Variants in KCNH5 observed in about 807,000 individuals in gnomAD.
KCNH5 encodes the protein voltage-gated delayed rectifier potassium channel KCNH5.
A neutral mutation model predicts 96.1 loss-of-function variants in KCNH5; 46 were observed. That is an observed-to-expected ratio of 0.48 (90% CI 0.38 to 0.61). The LOEUF (loss-of-function observed/expected upper bound fraction) is 0.61, where lower values mean the gene tolerates loss of function less well. KCNH5 is among the 20% of genes least tolerant of loss of function. The pLI is 0.00. For synonymous variants in KCNH5, 439 were observed against 449.8 expected (o/e 0.98, Z 0.30); for missense variants, 907 against 1,225.8 (o/e 0.74, Z 3.88).
intron 7 of KCNH5, among the ~76,000 whole-genome samples, chr14:62,897,027 G>A (rs1042931223): frequency 2.0e-5 from 3 of 152,116 alleles, no homozygotes; most frequent in Admixed American, 6.6e-5. Context: ...ATTCCAAATC[G>A]CTCTTCAGCA....
At chr14:62,776,708 C>G (rs1436135592) in intron 10 of KCNH5, among the ~76,000 whole-genome samples, 1 of 152,134 alleles carries the variant, frequency 6.6e-6, no homozygotes, top group South Asian at 2.1e-4. Flanking sequence ...TTCGTCAATT[C>G]GTAGAATTTG....
chr14:62,714,128 T>TA (rs138913725), intron 10 of KCNH5, among the ~76,000 whole-genome samples: 54,967 of 100,756 alleles, frequency 0.55, 10,609 homozygotes, highest in Non-Finnish European at 0.62. Flanking sequence ...ACAATAAAAT[T>TA]TAAAAAAAAA....
intron 7 of KCNH5, among the ~76,000 whole-genome samples, chr14:62,910,281 A>T (rs1184191420): frequency 1.3e-5 from 2 of 152,194 alleles, no homozygotes; most frequent in Admixed American, 1.3e-4. Context: ...CATGCTTATT[A>T]TGAAATTGGA....
At chr14:62,850,983 C>T (rs917915565) in intron 7 of KCNH5, among the ~76,000 whole-genome samples, 2 of 152,100 alleles carry the variant, frequency 1.3e-5, no homozygotes, top group Admixed American at 6.6e-5. Flanking sequence ...TCAGCCAAAT[C>T]CCATTTGATG....
intron 4 of KCNH5, among the ~76,000 whole-genome samples, chr14:62,992,592 T>C (rs940439059): frequency 3.3e-5 from 5 of 152,128 alleles, no homozygotes; most frequent in African/African-American, 1.2e-4. Context: ...AAGTATTTTT[T>C]CATATACTGT....
chr14:62,860,493 T>A (rs1159455300), intron 7 of KCNH5, among the ~76,000 whole-genome samples: 2 of 152,168 alleles, frequency 1.3e-5, no homozygotes, highest in African/African-American at 4.8e-5. Flanking sequence ...CCCTCTGAAA[T>A]AGGAATAATA....
At chr14:63,044,754 G>C (rs1471894413) in intron 1 of KCNH5, among the ~76,000 whole-genome samples, 1 of 152,192 alleles carries the variant, frequency 6.6e-6, no homozygotes, top group Non-Finnish European at 1.5e-5. Flanking sequence ...GTCAGTCCCT[G>C]CTGCTCACTT....
At chr14:62,929,479 A>G in intron 7 of KCNH5, among the ~76,000 whole-genome samples, 1 of 152,068 alleles carries the variant, frequency 6.6e-6, no homozygotes, top group Non-Finnish European at 1.5e-5. Context: ...GTCTCCATCC[A>G]CAGAACAATG....
At chr14:62,976,097 T>TTA (rs1555366372) in intron 6 of KCNH5, among the ~76,000 whole-genome samples, 16 of 139,922 alleles carry the variant, frequency 1.1e-4, no homozygotes, top group Admixed American at 8.6e-4. Context: ...ATAGGAGATT[T>TTA]AAAAAAAAAA....
chr14:63,025,266 A>G (rs1891503465), intron 1 of KCNH5, among the ~76,000 whole-genome samples: 1 of 152,094 alleles, frequency 6.6e-6, no homozygotes, highest in Non-Finnish European at 1.5e-5. Flanking sequence ...AAGCTCTAAC[A>G]TCATACTCAA....
At chr14:63,038,145 T>C (rs1891756808) in intron 1 of KCNH5, among the ~76,000 whole-genome samples, 3 of 152,232 alleles carry the variant, frequency 2.0e-5, no homozygotes, top group African/African-American at 4.8e-5. Flanking sequence ...GTTTAAACTA[T>C]GTAATTACTT....
intron 8 of KCNH5, among the ~76,000 whole-genome samples, chr14:62,803,171 T>C (rs1047916323): frequency 6.6e-6 from 1 of 152,072 alleles, no homozygotes; most frequent in Admixed American, 6.6e-5. Context: ...CAAAACAGTT[T>C]TGAGGTGGTC....
chr14:62,853,156 A>C (rs928585077), intron 7 of KCNH5, among the ~76,000 whole-genome samples: 3 of 152,118 alleles, frequency 2.0e-5, no homozygotes, highest in African/African-American at 7.2e-5. Context: ...TGATCCATCA[A>C]CAATTCCTGT....
chr14:62,998,252 A>G (rs1022550285), intron 4 of KCNH5, among the ~76,000 whole-genome samples: 1 of 152,148 alleles, frequency 6.6e-6, no homozygotes, highest in Admixed American at 6.5e-5. Flanking sequence ...CAATTTATCA[A>G]TGGCAGCTAT....
At chr14:62,788,399 T>C (rs1886363852) in intron 9 of KCNH5, among the ~76,000 whole-genome samples, 1 of 152,172 alleles carries the variant, frequency 6.6e-6, no homozygotes, top group Non-Finnish European at 1.5e-5. Flanking sequence ...AAGTGGTTTC[T>C]TGAGACAGAA....
intron 7 of KCNH5, among the ~76,000 whole-genome samples, chr14:62,860,244 C>T (rs1888006521): frequency 6.6e-6 from 1 of 152,172 alleles, no homozygotes. Flanking sequence ...TCCTAGAGGC[C>T]TCCACTGTGA....
At chr14:62,873,305 T>A (rs1432289419) in intron 7 of KCNH5, among the ~76,000 whole-genome samples, 1 of 152,228 alleles carries the variant, frequency 6.6e-6, no homozygotes, top group Non-Finnish European at 1.5e-5. Context: ...AAAATAATGA[T>A]AATTTAAAAA....
chr14:62,950,230 G>A lies in KCNH5; in HGVS notation c.1272C>T (p.Tyr424=), dbSNP rs115182827. The A allele has an allele frequency of 1.4e-5, 22 of 1,613,846 alleles. No individual in the cohort carries two copies. In the East Asian group the frequency reaches 4.2e-4, roughly 31 times the overall value. The part of the protein sequence containing the change: ...SKDSLYVSSL[Y]FTMTSLTTIG... ...TGGTTGTAAGGCTTGTCATGGTAAA[G>A]TAGAGAGAGGACACGTACAATGAAT... The change falls in exon 7 of 11, where the codon TAC becomes TAT. Residue 424 remains tyrosine, a synonymous_variant. Coordinates refer to ENST00000322893, the MANE Select transcript of KCNH5 (RefSeq NM_139318.5).
At chr14:62,925,790 A>G (rs777277456) in intron 7 of KCNH5, among the ~76,000 whole-genome samples, 6 of 152,042 alleles carry the variant, frequency 3.9e-5, no homozygotes, top group Non-Finnish European at 8.8e-5. Flanking sequence ...TAGATTCCCA[A>G]TTATGGATTT....
Sources: allele counts gnomAD v4.1 joint callset (sites outside exome capture counted in the v4.1 genomes callset), GRCh38; gene constraint gnomAD v4.1.1; transcripts MANE v1.5; gene names NCBI Gene and HGNC (gene_info 2026-07-23, HGNC 2026-07-21).